The following CDH13 variants were observed in gnomAD, a reference collection of about 807,000 sequenced individuals.
The protein encoded by CDH13 is cadherin 13, also known as cadherin-13.
A neutral mutation model predicts 63.8 loss-of-function variants in CDH13; 24 were observed. The observed-to-expected ratio is 0.38, with a 90% CI of 0.27 to 0.53. CDH13 has a LOEUF of 0.53. Among genes scored for constraint, CDH13 ranks in the 20% least tolerant of loss-of-function variants. The probability of loss-of-function intolerance (pLI) is 0.85; values close to 1 mark genes in which losing one functional copy is unlikely to be tolerated. For synonymous variants in CDH13, 503 were observed against 355.3 expected (o/e 1.42, Z -4.67); for missense variants, 1,049 against 903.1 (o/e 1.16, Z -2.07).
At chr16:83,427,468 C>T (rs1165348535) in intron 6 of CDH13, among the ~76,000 whole-genome samples, 1 of 152,106 alleles carries the variant, frequency 6.6e-6, no homozygotes, top group Non-Finnish European at 1.5e-5. Flanking sequence ...CTTCTGGAGC[C>T]TCCTGAAGGT....
In CDH13 at chr16:83,216,420, AT is replaced by A. The variant is rs1567513938; in HGVS notation, c.484-924del. ...GAAATATATATATATATATATATAT[AT>A]ATATATATATATATATATATATACA... On this transcript the variant is annotated intron_variant, in intron 4 of 13. Coordinates refer to ENST00000567109, the MANE Select transcript of CDH13 (RefSeq NM_001257.5). Among the ~76,000 whole-genome samples, 36 of 96,776 alleles carry A rather than the reference AT, an allele frequency of 3.7e-4. 3 individuals are homozygous for A. Among genetic ancestry groups the A allele is most frequent in the East Asian group, 1.0e-3 (3 of 2,916 alleles). 63.5% of individuals were successfully genotyped at this position (96,776 alleles called of 152,430 possible). A position where few individuals can be genotyped will look rare whatever the true frequency, so the allele number is the denominator to read the frequency against.
intron 6 of CDH13, chr16:83,397,523 G>GAAAGAC (rs1462435200): frequency 1.3e-5 from 2 of 152,228 alleles, no homozygotes; most frequent in African/African-American, 4.8e-5. Context: ...GGGGAGAGAA[G>GAAAGAC]AAAGACGCAT....
intron 6 of CDH13, among the ~76,000 whole-genome samples, chr16:83,458,727 C>T (rs953801466): frequency 1.3e-5 from 2 of 152,186 alleles, no homozygotes; most frequent in Non-Finnish European, 2.9e-5. Context: ...TTCATACTGA[C>T]ACTTCTCAGT....
intron 10 of CDH13, among the ~76,000 whole-genome samples, chr16:83,730,003 T>C (rs1019786049): frequency 6.6e-6 from 1 of 152,214 alleles, no homozygotes; most frequent in African/African-American, 2.4e-5. Flanking sequence ...CATGTTTGCA[T>C]GTGGACCCTC....
At chr16:82,944,399 A>G (rs185164976) in intron 2 of CDH13, among the ~76,000 whole-genome samples, 135 of 152,312 alleles carry the variant, frequency 8.9e-4, no homozygotes, top group Non-Finnish European at 1.4e-3. Flanking sequence ...TGATCTCTCA[A>G]CAGAACAGAG....
intron 5 of CDH13, among the ~76,000 whole-genome samples, chr16:83,323,172 TTTTTTCTTTC>T (rs1458148554): frequency 0.024 from 1,529 of 62,588 alleles, 19 homozygotes; most frequent in Middle Eastern, 0.047. Context: ...TTTCTCTTTC[TTTTTTCTTTC>T]TTTCTTTCTT....
At chr16:83,625,154 C>CTGTGTGTGTGTGTGCTCATGTG (rs1567463154) in intron 8 of CDH13, among the ~76,000 whole-genome samples, 3 of 149,614 alleles carry the variant, frequency 2.0e-5, no homozygotes, top group Non-Finnish European at 4.4e-5. Context: ...TAAAGAAACT[C>CTGTGTGTGTGTGTGCTCATGTG]TGTGTGTGTG....
In CDH13 at chr16:83,346,306, G is replaced by T. The variant is rs528135618; in HGVS notation, c.781+1300G>T. On this transcript the variant is annotated intron_variant, in intron 6 of 13. Coordinates refer to ENST00000567109, the MANE Select transcript of CDH13 (RefSeq NM_001257.5). Reference sequence around the variant, plus strand: ...TCCACGTGGCCCCTCTCTGTGAGCTGCTTTTGATGGAAAGATGGCTTCTGG... The same window carrying T: ...TCCACGTGGCCCCTCTCTGTGAGCTTCTTTTGATGGAAAGATGGCTTCTGG... Among the ~76,000 whole-genome samples, 15 of 152,280 alleles carry T rather than the reference G, an allele frequency of 9.9e-5. 1 individual carries two copies. In the South Asian group the frequency reaches 3.1e-3, roughly 32 times the overall value.
At chr16:83,504,426 G>A (rs1046679362) in intron 7 of CDH13, among the ~76,000 whole-genome samples, 1 of 152,214 alleles carries the variant, frequency 6.6e-6, no homozygotes, top group African/African-American at 2.4e-5. Context: ...AGAGCACAAA[G>A]GGTTAATGCC....
chr16:83,073,793 A>T (rs2032622797), intron 3 of CDH13, among the ~76,000 whole-genome samples: 1 of 152,064 alleles, frequency 6.6e-6, no homozygotes, highest in Non-Finnish European at 1.5e-5. Flanking sequence ...TGTATATGTA[A>T]TATATATAAT....
At chr16:83,544,771 C>T (rs1598264303) in intron 7 of CDH13, among the ~76,000 whole-genome samples, 1 of 152,162 alleles carries the variant, frequency 6.6e-6, no homozygotes, top group Non-Finnish European at 1.5e-5. Flanking sequence ...GGATTTAACC[C>T]TCACCGTCTT....
At chr16:83,000,972 C>A (rs1417988810) in intron 2 of CDH13, among the ~76,000 whole-genome samples, 2 of 152,318 alleles carry the variant, frequency 1.3e-5, no homozygotes, top group East Asian at 3.9e-4. Flanking sequence ...TTTTCACTCT[C>A]AGCTACCCCT....
chr16:83,483,213 G>C (rs769442685), intron 6 of CDH13, among the ~76,000 whole-genome samples: 3 of 152,120 alleles, frequency 2.0e-5, no homozygotes, highest in African/African-American at 7.2e-5. Flanking sequence ...GGCACAATGC[G>C]GTTCCCTCAG....
At chr16:82,957,005 G>C (rs894841497) in intron 2 of CDH13, among the ~76,000 whole-genome samples, 6 of 152,196 alleles carry the variant, frequency 3.9e-5, no homozygotes, top group Admixed American at 6.5e-5. Context: ...CTATCTGAGA[G>C]ATGTGTAGGA....
rs1370654019 is a variant in CDH13 at position 83,795,279 on chromosome 16, G to A, written c.*249G>A. Reference sequence around the variant, plus strand: ...TGAATGTTTAAAGATCATGACATATGACTTGATCTTCTGGGAGCAGGAACA... The same window carrying A: ...TGAATGTTTAAAGATCATGACATATAACTTGATCTTCTGGGAGCAGGAACA... On this transcript the variant is annotated 3_prime_UTR_variant, in exon 14 of 14. Coordinates refer to ENST00000567109, the MANE Select transcript of CDH13 (RefSeq NM_001257.5). 4.0e-6 allele frequency: 2 copies of A among 502,234 alleles called. No homozygotes were observed. Among genetic ancestry groups the A allele is most frequent in the Admixed American group, 3.5e-5 (1 of 28,528 alleles). 31.1% of individuals were successfully genotyped at this position (502,234 alleles called of 1,614,324 possible).
chr16:82,867,439 C>G (rs1165223969), intron 2 of CDH13, among the ~76,000 whole-genome samples: 1 of 152,132 alleles, frequency 6.6e-6, no homozygotes, highest in African/African-American at 2.4e-5. Context: ...GAAGAATTAG[C>G]TTTTTCTATT....
chr16:82,754,732 TGACAG>T, intron 1 of CDH13, among the ~76,000 whole-genome samples: 1 of 152,216 alleles, frequency 6.6e-6, no homozygotes. Flanking sequence ...CAAAACAACT[TGACAG>T]GACTTTGCTA....
intron 5 of CDH13, among the ~76,000 whole-genome samples, chr16:83,238,736 GT>G (rs933775657): frequency 0.012 from 899 of 77,170 alleles, 1 homozygote; most frequent in Middle Eastern, 0.038. Flanking sequence ...CTCCATATGT[GT>G]TTTTTTGTTT....
intron 10 of CDH13, among the ~76,000 whole-genome samples, chr16:83,703,931 A>C (rs1362829937): frequency 6.6e-6 from 1 of 152,170 alleles, no homozygotes. Flanking sequence ...AAAATATGTC[A>C]TCTAAAACCT....
Sources: gnomAD v4.1 joint callset for allele counts (sites outside exome capture counted in the v4.1 genomes callset) on GRCh38, gnomAD v4.1.1 for gene constraint, MANE v1.5 for transcripts, NCBI Gene and HGNC (gene_info 2026-07-23, HGNC 2026-07-21) for gene names.